The following SERPINB8 variants were observed in gnomAD, a reference collection of about 807,000 sequenced individuals.
SERPINB8 encodes the protein serpin B8.
Under a neutral mutation model 35.3 loss-of-function variants are expected in SERPINB8, and 25 were observed. That is an observed-to-expected ratio of 0.71 (90% confidence interval 0.52 to 0.99). SERPINB8 has a LOEUF of 0.99. Ranked by LOEUF, SERPINB8 falls within the 50% of genes least tolerant of loss-of-function variation. SERPINB8 has a pLI of 0.00. For synonymous variants in SERPINB8, 186 were observed against 160.8 expected (o/e 1.16, Z -1.19); for missense variants, 484 against 446.5 (o/e 1.08, Z -0.76).
At chr18:63,996,150 A>G (rs550492242) in intron 1 of SERPINB8, among the ~76,000 whole-genome samples, 1 of 152,298 alleles carries the variant, frequency 6.6e-6, no homozygotes, top group South Asian at 2.1e-4. Context: ...TTTTAAGACT[A>G]TGAGGGTTAA....
intron 6 of SERPINB8, chr18:63,986,661 A>G (rs1322815020): frequency 1.5e-6 from 2 of 1,355,506 alleles, no homozygotes; most frequent in Non-Finnish European, 1.9e-6. Flanking sequence ...TCAGGTGTTT[A>G]CTAGCTCTTT....
In SERPINB8 at chr18:63,978,456, A is replaced by G. The variant is rs143894667; in HGVS notation, c.148A>G (p.Thr50Ala). 1 of 1,614,216 alleles carries G rather than the reference A, an allele frequency of 6.2e-7. No homozygotes were observed. The highest frequency in any genetic ancestry group is 2.2e-5 in the East Asian group (1 of 44,882). Residue 50 changes from threonine (T) to alanine (A), a missense_variant, in exon 2 of 7, where the codon ACT becomes GCT. Coordinates refer to ENST00000397985, the MANE Select transcript of SERPINB8 (RefSeq NM_002640.4). ...GGTCTTCATGGGGGCAAAGGGAAGC[A>G]CTGCAGCCCAGATGTCCCAGGTATG... is the stretch of plus-strand genomic sequence containing the variant. ...AMVFMGAKGS[T>A]AAQMSQALCL... is the part of the protein sequence containing the mutation.
downstream of SERPINB8, among the ~76,000 whole-genome samples, chr18:64,008,793 G>A (rs2050912349): frequency 6.6e-6 from 1 of 151,990 alleles, no homozygotes; most frequent in African/African-American, 2.4e-5. Flanking sequence ...CCATACACTA[G>A]AGCCTAAACA....
rs531724744 is a variant in SERPINB8, at chr18:63,987,917, T to C, written c.*639T>C. The C allele has an allele frequency of 6.6e-6, 1 of 152,440 alleles. No homozygotes were observed. Among genetic ancestry groups the C allele is most frequent in the Non-Finnish European group, 1.5e-5 (1 of 68,112 alleles). 9.4% of individuals were successfully genotyped at this position (152,440 alleles called of 1,614,324 possible). On this transcript the variant is annotated 3_prime_UTR_variant, in exon 7 of 7. Transcript: ENST00000397985. ...ATATCTGAAGCTTGCTATGCTGTTC[T>C]TTCCATTCCTTTTCCCTCTGAAACA...
At chr18:63,972,796 A>G (rs2050509905) in intron 1 of SERPINB8, among the ~76,000 whole-genome samples, 1 of 152,152 alleles carries the variant, frequency 6.6e-6, no homozygotes, top group African/African-American at 2.4e-5. Context: ...AGCTTCATCC[A>G]TGTCCCTACA....
At chr18:63,992,997 G>A (rs538421196), downstream of SERPINB8, among the ~76,000 whole-genome samples, 20 of 152,280 alleles carry the variant, frequency 1.3e-4, no homozygotes, top group Middle Eastern at 3.4e-3. Context: ...ACCTCTTGGC[G>A]GCAGGTGCAG....
chr18:64,014,062 A>G (rs1017281805), intron 7 of SERPINB8, among the ~76,000 whole-genome samples: 1 of 152,240 alleles, frequency 6.6e-6, no homozygotes. Context: ...GGACTACTAT[A>G]TGGAGAATAA....
intron 1 of SERPINB8, among the ~76,000 whole-genome samples, chr18:63,975,596 A>G (rs904366637): frequency 6.6e-6 from 1 of 152,094 alleles, no homozygotes; most frequent in Non-Finnish European, 1.5e-5. Context: ...CCATAACCCT[A>G]ACCCTACTTG....
exon 2 of SERPINB8, chr18:64,005,079 A>G (rs1453584481): frequency 1.6e-5 from 6 of 384,876 alleles, no homozygotes; most frequent in African/African-American, 2.1e-5. Context: ...AAGACATTCA[A>G]ATGTCCAAGA....
chr18:63,972,760 G>A (rs900235832), intron 1 of SERPINB8, among the ~76,000 whole-genome samples: 3 of 151,432 alleles, frequency 2.0e-5, no homozygotes, highest in Admixed American at 6.6e-5. Flanking sequence ...TGTCTTTGTG[G>A]TAGTTTGCTG....
chr18:63,998,710 T>C (rs1003178791), intron 1 of SERPINB8, among the ~76,000 whole-genome samples: 2 of 152,188 alleles, frequency 1.3e-5, no homozygotes, highest in African/African-American at 4.8e-5. Context: ...GAGCCCTTCC[T>C]GAAGACCAAA....
At chr18:63,998,597 G>T (rs2050860673) in intron 1 of SERPINB8, among the ~76,000 whole-genome samples, 1 of 152,178 alleles carries the variant, frequency 6.6e-6, no homozygotes, top group Non-Finnish European at 1.5e-5. Context: ...CTGTGTGATT[G>T]ATTGGGCTAT....
In SERPINB8 at chr18:64,012,571, A is replaced by ATG. The variant is rs1555659853; in HGVS notation, c.*3-6320_*3-6319dup. 8.5e-3 allele frequency among the ~76,000 whole-genome samples: 763 copies of ATG among 90,194 alleles called. 3 individuals are homozygous for ATG. Among genetic ancestry groups the ATG allele is most frequent in the Middle Eastern group, 0.016 (3 of 184 alleles). 59.2% of individuals were successfully genotyped at this position (90,194 alleles called of 152,430 possible). A position where few individuals can be genotyped will look rare whatever the true frequency, so the allele number is the denominator to read the frequency against. On this transcript the variant is annotated intron_variant, in intron 7 of 7. Coordinates refer to the SERPINB8 transcript ENST00000636430. The stretch of plus-strand genomic sequence containing the variant: ...ATTCCTTTTTAATATCTGTGTATGT[A>ATG]TGTGTGTGTGTGTGTGTGTGCGTGT...
chr18:63,984,175 G>T (rs998334191), intron 5 of SERPINB8, among the ~76,000 whole-genome samples: 16 of 152,178 alleles, frequency 1.1e-4, no homozygotes, highest in Admixed American at 6.5e-4. Flanking sequence ...AATGCCTCCT[G>T]TGTATCTTTA....
intron 1 of SERPINB8, 99 bp from the exon 2 acceptor site, chr18:63,978,200 C>T (rs1395957780): frequency 2.3e-5 from 30 of 1,296,956 alleles, no homozygotes; most frequent in Non-Finnish European, 2.9e-5. Flanking sequence ...GTGGTTCTTC[C>T]ACCTACCACC....
At chr18:63,995,799 T>A (rs776069340) in intron 1 of SERPINB8, among the ~76,000 whole-genome samples, 5 of 152,174 alleles carry the variant, frequency 3.3e-5, no homozygotes, top group African/African-American at 4.8e-5. Context: ...AGTGAGACAA[T>A]GAGTATTGCA....
At chr18:63,980,511 G>A (rs1245865095) in intron 3 of SERPINB8, among the ~76,000 whole-genome samples, 1 of 151,176 alleles carries the variant, frequency 6.6e-6, no homozygotes, top group African/African-American at 2.4e-5. Context: ...CTTAAAATTA[G>A]TGAACTGATT....
chr18:63,978,596 AG>A (rs2144799686), intron 2 of SERPINB8, 120 bp downstream of exon 2: 2 of 1,145,984 alleles, frequency 1.7e-6, no homozygotes, highest in Non-Finnish European at 2.5e-6. Flanking sequence ...AAGGAGGAGC[AG>A]CTCGGCAGTG....
intron 1 of SERPINB8, 53 bp from the exon 2 acceptor site, chr18:63,978,246 G>C (rs1013083978): frequency 1.3e-6 from 2 of 1,580,044 alleles, no homozygotes; most frequent in South Asian, 1.1e-5. Context: ...ATGACTGCGT[G>C]GCTACCGGAG....
Sources: gnomAD v4.1 joint callset for allele counts (sites outside exome capture counted in the v4.1 genomes callset) on GRCh38, gnomAD v4.1.1 for gene constraint, MANE v1.5 for transcripts, NCBI Gene and HGNC (gene_info 2026-07-23, HGNC 2026-07-21) for gene names.